ARPC2: variants seen among roughly 807,000 people sequenced by gnomAD.
ARPC2 encodes the protein actin-related protein 2/3 complex subunit 2.
In ARPC2, 4 loss-of-function variants were observed where a neutral mutation model predicts 38.6. That is an observed-to-expected ratio of 0.10 (90% CI 0.05 to 0.24). ARPC2 has a LOEUF of 0.24. Among genes scored for constraint, ARPC2 ranks in the 10% least tolerant of loss-of-function variants. The pLI, the probability that ARPC2 is intolerant of heterozygous loss-of-function variation, is 1.00. For synonymous variants in ARPC2, 125 were observed against 140.8 expected (o/e 0.89, Z 0.79); for missense variants, 229 against 387.3 (o/e 0.59, Z 3.43).
chr2:218,250,086 C>T (rs909904075), intron 10 of ARPC2, among the ~76,000 whole-genome samples, 165 bp downstream of exon 10: 10 of 152,070 alleles, frequency 6.6e-5, no homozygotes, highest in African/African-American at 2.4e-4. Flanking sequence ...TTCTCACTGC[C>T]ATATAGGCCA....
At position 218,223,829 on chromosome 2, in the gene ARPC2, CTT is replaced by C. The variant is rs368075709; in HGVS notation, c.75-2088_75-2087del. The stretch of plus-strand genomic sequence containing the variant: ...TTCTGGGGGCCTATTTAGTGGAACA[CTT>C]TTCCTGGGCCAGTCTTCCTCCCGCT... On this transcript the variant is annotated intron_variant, in intron 2 of 10. Coordinates refer to ENST00000315717, the MANE Select transcript of ARPC2 (RefSeq NM_152862.3). Among the ~76,000 whole-genome samples the C allele has an allele frequency of 5.9e-5, 9 of 152,312 alleles. No individual in the cohort carries two copies. The East Asian group carries it at 1.7e-3, about 29-fold the overall frequency.
At chr2:218,251,963 G>A (rs1221349576) in intron 10 of ARPC2, among the ~76,000 whole-genome samples, 1 of 152,158 alleles carries the variant, frequency 6.6e-6, no homozygotes, top group African/African-American at 2.4e-5. Flanking sequence ...GCTCACGCTT[G>A]TAATCCCAGC....
chr2:218,253,953 G>A lies in ARPC2; in HGVS notation c.*38G>A. The A allele has an allele frequency of 1.2e-6, 2 of 1,612,926 alleles. No individual in the cohort carries two copies. The highest frequency in any genetic ancestry group is 4.5e-5 in the East Asian group (2 of 44,882). ...GAGGAGGAAGCGGCTGGCAACTGAA[G>A]GCTGGAACACTTGCTACTGGATAAT... On this transcript the variant is annotated 3_prime_UTR_variant, in exon 11 of 11. Coordinates refer to ENST00000315717, the MANE Select transcript of ARPC2 (RefSeq NM_152862.3).
intron 2 of ARPC2, among the ~76,000 whole-genome samples, chr2:218,218,114 C>T (rs1160101949): frequency 2.0e-5 from 3 of 152,172 alleles, no homozygotes; most frequent in African/African-American, 7.2e-5. Flanking sequence ...TTCCCTTCCC[C>T]GAACCCTTCT....
intron 5 of ARPC2, among the ~76,000 whole-genome samples, chr2:218,237,623 G>A (rs1460288490): frequency 6.7e-6 from 1 of 150,026 alleles, no homozygotes; most frequent in African/African-American, 2.5e-5. Context: ...CTGTTGTGCA[G>A]TGGTGCAATA....
At chr2:218,238,876 C>G (rs1689841928) in intron 6 of ARPC2, 26 bp downstream of exon 6, 2 of 1,551,038 alleles carry the variant, frequency 1.3e-6, no homozygotes, top group South Asian at 2.3e-5. Flanking sequence ...GGTCCTGAAG[C>G]CTGGATATGG....
At position 218,240,069 on chromosome 2, in the gene ARPC2, C is replaced by G. The variant is rs906192160; in HGVS notation, c.549+585C>G. On this transcript the variant is annotated intron_variant, in intron 7 of 10. Coordinates refer to ENST00000315717, the MANE Select transcript of ARPC2 (RefSeq NM_152862.3). ...TCCTGGGTTCAAGCAATTTTCCTGC[C>G]TCAGCCTCCCAAGTAGCTGGGATTA... is the stretch of plus-strand genomic sequence containing the variant. Among the ~76,000 whole-genome samples the G allele has an allele frequency of 2.0e-5, 3 of 152,122 alleles. No individual in the cohort carries two copies. In the East Asian group the frequency reaches 5.8e-4, roughly 29 times the overall value.
intron 2 of ARPC2, among the ~76,000 whole-genome samples, chr2:218,224,901 T>C (rs947990318): frequency 7.2e-5 from 11 of 152,334 alleles, no homozygotes; most frequent in Non-Finnish European, 1.3e-4. Flanking sequence ...TTCGTTTCTT[T>C]CGCAGGTAAT....
In ARPC2 at chr2:218,239,399, A is replaced by C. The variant is rs1184327596; in HGVS notation, c.464A>C (p.Glu155Ala). Residue 155 changes from glutamate (E) to alanine (A), a missense_variant, in exon 7 of 11, where the codon GAG (glutamate) becomes GCG (alanine). By Grantham distance (107) the Glu-to-Ala change is moderately radical. Around this residue, in one of 3 missense-constraint regions of ARPC2, gnomAD observed 135 missense variants for 214.1 expected, o/e 0.63. Coordinates refer to ENST00000315717, the MANE Select transcript of ARPC2 (RefSeq NM_152862.3). ...HYRDDETMYV[E>A]SKKDRVTVVF... ...GATTTTGTTCCTCTCAGGTATGTTGAGTCTAAAAAGGACAGAGTCACAGTA... is the reference window on the plus strand; with the variant it reads ...GATTTTGTTCCTCTCAGGTATGTTGCGTCTAAAAAGGACAGAGTCACAGTA... The C allele has an allele frequency of 6.2e-7, 1 of 1,613,166 alleles. No individual in the cohort carries two copies.
At chr2:218,237,568 AT>A (rs889625706) in intron 5 of ARPC2, among the ~76,000 whole-genome samples, 1 of 145,778 alleles carries the variant, frequency 6.9e-6, no homozygotes, top group Non-Finnish European at 1.5e-5. Flanking sequence ...AAGTCAGGCA[AT>A]TTTTTTTGTT....
At chr2:218,221,000 G>A (rs972159183) in intron 2 of ARPC2, among the ~76,000 whole-genome samples, 2 of 152,140 alleles carry the variant, frequency 1.3e-5, no homozygotes, top group African/African-American at 4.8e-5. Context: ...TTTTCATTTG[G>A]AAATTCTTAC....
Position 218,217,452 on chromosome 2 carries a change from C to T in ARPC2, c.-8-11C>T, listed in dbSNP as rs762095525. On this transcript the variant is annotated splice_polypyrimidine_tract_variant and intron_variant, in intron 1 of 10. Coordinates refer to ENST00000315717, the MANE Select transcript of ARPC2 (RefSeq NM_152862.3). The stretch of plus-strand genomic sequence containing the variant: ...CTCACCGGCCCTTGTTTCTCCTTCC[C>T]CTGGGGGCAGCCGCCGCCATGATCC... The T allele has an allele frequency of 6.2e-7, 1 of 1,613,684 alleles. No individual in the cohort carries two copies. Among genetic ancestry groups the T allele is most frequent in the Admixed American group, 1.7e-5 (1 of 60,006 alleles).
chr2:218,231,423 T>A (rs559015251), intron 4 of ARPC2, among the ~76,000 whole-genome samples: 122 of 152,350 alleles, frequency 8.0e-4, no homozygotes, highest in African/African-American at 2.9e-3. Flanking sequence ...TCTTAGGGAC[T>A]TAGGGATTTA....
chr2:218,247,574 G>T (rs1202574096), intron 8 of ARPC2, among the ~76,000 whole-genome samples: 2 of 151,922 alleles, frequency 1.3e-5, no homozygotes, highest in African/African-American at 2.4e-5. Context: ...AACAATTCTC[G>T]TGCCTCAGCT....
At chr2:218,234,066 G>T in intron 4 of ARPC2, 1 of 229,982 alleles carries the variant, frequency 4.3e-6, no homozygotes, top group Middle Eastern at 1.4e-3. Flanking sequence ...CTACTTGGGA[G>T]GCTCAGGCAG....
rs777574959 is a variant in ARPC2 at position 218,217,469 on chromosome 2, C to T, written c.-2C>T. ...CTCCTTCCCCTGGGGGCAGCCGCCG[C>T]CATGATCCTGCTGGAGGTGAACAAC... On this transcript the variant is annotated 5_prime_UTR_variant, in exon 2 of 11. Coordinates refer to ENST00000315717, the MANE Select transcript of ARPC2 (RefSeq NM_152862.3). 4 of 1,613,898 alleles carry T rather than the reference C, an allele frequency of 2.5e-6. No homozygotes were observed. Among genetic ancestry groups the T allele is most frequent in the Non-Finnish European group, 8.5e-7 (1 of 1,179,854 alleles).
intron 10 of ARPC2, among the ~76,000 whole-genome samples, chr2:218,252,407 G>A (rs71415827): frequency 6.6e-6 from 1 of 152,178 alleles, no homozygotes; most frequent in Non-Finnish European, 1.5e-5. Flanking sequence ...CAGGTGAGAG[G>A]ATGTGCTTGC....
chr2:218,238,161 TAA>T (rs1689817786), intron 5 of ARPC2, among the ~76,000 whole-genome samples: 2 of 152,318 alleles, frequency 1.3e-5, no homozygotes, highest in Non-Finnish European at 1.5e-5. Context: ...TGCCACCTCA[TAA>T]AGAGTTTGCA....
chr2:218,227,634 AGGCTG>A (rs1689533556), intron 3 of ARPC2, among the ~76,000 whole-genome samples: 1 of 151,046 alleles, frequency 6.6e-6, no homozygotes, highest in Admixed American at 6.6e-5. Flanking sequence ...TCTGTCGCCC[AGGCTG>A]GAGTGCAATG....
Sources: allele counts gnomAD v4.1 joint callset (sites outside exome capture counted in the v4.1 genomes callset), GRCh38; gene constraint gnomAD v4.1.1; regional missense constraint gnomAD v4.1.1; transcripts MANE v1.5; gene names NCBI Gene and HGNC (gene_info 2026-07-23, HGNC 2026-07-21).